DCC: variants seen among roughly 807,000 people sequenced by gnomAD.
DCC encodes netrin receptor DCC.
A neutral mutation model predicts 172.5 loss-of-function variants in DCC; 58 were observed. That is an observed-to-expected ratio of 0.34 (90% confidence interval 0.27 to 0.42). The LOEUF (loss-of-function observed/expected upper bound fraction) is 0.42, where lower values mean the gene tolerates loss of function less well. Among genes scored for constraint, DCC ranks in the 10% least tolerant of loss-of-function variants. The pLI, the probability that DCC is intolerant of heterozygous loss-of-function variation, is 1.00. For missense variants in DCC, 1,740 were observed against 1,791.0 expected (o/e 0.97, Z 0.51); for synonymous variants, 709 against 644.5 (o/e 1.10, Z -1.52).
At chr18:52,446,845 C>G (rs1988140369) in intron 1 of DCC, among the ~76,000 whole-genome samples, 1 of 152,212 alleles carries the variant, frequency 6.6e-6, no homozygotes, top group Non-Finnish European at 1.5e-5. Flanking sequence ...GCAAGTTGAA[C>G]AGAACCTTGT....
At chr18:53,513,720 C>G (rs1278011919) in intron 27 of DCC, among the ~76,000 whole-genome samples, 8 of 151,246 alleles carry the variant, frequency 5.3e-5, no homozygotes, top group Non-Finnish European at 1.0e-4. Context: ...CAAAGAAGAC[C>G]ATTACATAAT....
chr18:52,757,087 C>A (rs149445146), intron 2 of DCC: 1 of 152,118 alleles, frequency 6.6e-6, no homozygotes, highest in Non-Finnish European at 1.5e-5. Context: ...AAAGTTAAAT[C>A]TATGGGAGAT....
intron 5 of DCC, among the ~76,000 whole-genome samples, chr18:52,953,915 T>G (rs780805430): frequency 3.3e-4 from 51 of 152,354 alleles, no homozygotes; most frequent in Non-Finnish European, 5.7e-4. Flanking sequence ...CGGAGTTTCA[T>G]GAGTGTTGGA....
At chr18:52,998,544 ACCT>A (rs1568235873) in intron 5 of DCC, among the ~76,000 whole-genome samples, 15 of 152,046 alleles carry the variant, frequency 9.9e-5, no homozygotes, top group Non-Finnish European at 1.6e-4. Context: ...CCAAGTAATC[ACCT>A]GCCAGGACTC....
intron 1 of DCC, among the ~76,000 whole-genome samples, chr18:52,478,570 C>T (rs909015203): frequency 6.6e-6 from 1 of 152,176 alleles, no homozygotes; most frequent in Non-Finnish European, 1.5e-5. Context: ...AGGCTTTATT[C>T]GCTCATGAAT....
chr18:52,600,790 T>A (rs535584786), intron 1 of DCC, among the ~76,000 whole-genome samples: 1 of 152,296 alleles, frequency 6.6e-6, no homozygotes, highest in East Asian at 1.9e-4. Flanking sequence ...TTTAGAAAAT[T>A]ACAAAATATA....
intron 2 of DCC, among the ~76,000 whole-genome samples, chr18:52,791,458 G>GT (rs2037767651): frequency 2.0e-5 from 3 of 150,154 alleles, no homozygotes; most frequent in Admixed American, 1.3e-4. Flanking sequence ...TCCCCCTGCT[G>GT]TTTTTTGTGT....
chr18:53,180,340 TCAA>T (rs927878852), intron 9 of DCC, among the ~76,000 whole-genome samples: 1 of 152,168 alleles, frequency 6.6e-6, no homozygotes, highest in Non-Finnish European at 1.5e-5. Context: ...AATAAAAACC[TCAA>T]CAACTTCAAA....
intron 2 of DCC, among the ~76,000 whole-genome samples, chr18:52,860,425 T>A (rs888141942): frequency 6.6e-6 from 1 of 152,144 alleles, no homozygotes; most frequent in Non-Finnish European, 1.5e-5. Context: ...AAAACATTAG[T>A]TTGGACACTT....
chr18:53,320,069 A>ACTTT, intron 13 of DCC, among the ~76,000 whole-genome samples: 1 of 123,062 alleles, frequency 8.1e-6, no homozygotes, highest in Non-Finnish European at 1.6e-5. Flanking sequence ...ACGCAAGAGT[A>ACTTT]CTTTTTTTTT....
intron 1 of DCC, among the ~76,000 whole-genome samples, chr18:52,493,862 C>G (rs73957906): frequency 1.3e-5 from 2 of 151,946 alleles, no homozygotes; most frequent in Non-Finnish European, 2.9e-5. Context: ...GTGTTATGTA[C>G]TTTAATTCTA....
intron 5 of DCC, among the ~76,000 whole-genome samples, chr18:53,051,404 A>T (rs564529401): frequency 6.6e-6 from 1 of 152,178 alleles, no homozygotes; most frequent in African/African-American, 2.4e-5. Context: ...GTTTATAATG[A>T]TGGAATTCTT....
chr18:52,910,507 A>T (rs2039956931), intron 3 of DCC, among the ~76,000 whole-genome samples: 1 of 152,136 alleles, frequency 6.6e-6, no homozygotes, highest in South Asian at 2.1e-4. Context: ...ATTTTTTAAA[A>T]TATCAATAAC....
At chr18:52,487,419 A>G (rs1480550631) in intron 1 of DCC, among the ~76,000 whole-genome samples, 1 of 152,158 alleles carries the variant, frequency 6.6e-6, no homozygotes, top group East Asian at 1.9e-4. Context: ...AATCGAGAAA[A>G]TACTATCTGC....
chr18:53,059,448 G>A (rs1451198013), intron 5 of DCC, among the ~76,000 whole-genome samples: 2 of 152,062 alleles, frequency 1.3e-5, no homozygotes, highest in Non-Finnish European at 2.9e-5. Flanking sequence ...CAGTAATTTG[G>A]TCATGTATTA....
intron 5 of DCC, among the ~76,000 whole-genome samples, chr18:53,057,079 T>TAAAAAAAAAAAAAAAAAAAAAAAAA: frequency 1.1e-5 from 1 of 89,328 alleles, no homozygotes; most frequent in Non-Finnish European, 2.1e-5. Flanking sequence ...CTTCTAAAAG[T>TAAAAAAAAAAAAAAAAAAAAAAAAA]AAAAAAAAAA....
At chr18:52,747,663 C>T (rs894930140) in intron 1 of DCC, among the ~76,000 whole-genome samples, 17 of 152,294 alleles carry the variant, frequency 1.1e-4, no homozygotes, top group African/African-American at 3.8e-4. Flanking sequence ...TTCCTCTCTT[C>T]ATACATTAAA....
intron 2 of DCC, among the ~76,000 whole-genome samples, chr18:52,849,093 C>CTG (rs149378500): frequency 0.018 from 2,651 of 150,330 alleles, 68 homozygotes; most frequent in African/African-American, 0.059. Context: ...TCAACCTACT[C>CTG]TGTGTGTGTG....
chr18:53,090,578 CA>C (rs1406373975), intron 7 of DCC, among the ~76,000 whole-genome samples: 2 of 150,698 alleles, frequency 1.3e-5, no homozygotes, highest in Non-Finnish European at 3.0e-5. Context: ...CCTGTGGTCC[CA>C]GCCACTCGGC....
Sources: allele counts gnomAD v4.1 joint callset (sites outside exome capture counted in the v4.1 genomes callset), GRCh38; gene constraint gnomAD v4.1.1; transcripts MANE v1.5; gene names NCBI Gene and HGNC (gene_info 2026-07-23, HGNC 2026-07-21).